The following PTPRD variants were observed in gnomAD, a reference collection of about 807,000 sequenced individuals.
PTPRD encodes the protein receptor-type tyrosine-protein phosphatase delta.
PTPRD carries 34 observed loss-of-function variants against 214.5 expected under a neutral mutation model. The ratio of observed to expected loss-of-function variants is 0.16; its 90% CI spans 0.12 to 0.21. PTPRD has a LOEUF of 0.21. Among genes scored for constraint, PTPRD ranks in the 10% least tolerant of loss-of-function variants. PTPRD has a pLI of 1.00. For synonymous variants in PTPRD, 1,128 were observed against 845.7 expected (o/e 1.33, Z -5.79); for missense variants, 2,545 against 2,398.7 (o/e 1.06, Z -1.27).
intron 12 of PTPRD, among the ~76,000 whole-genome samples, chr9:8,686,649 C>A (rs372162805): frequency 2.6e-5 from 4 of 152,228 alleles, no homozygotes; most frequent in African/African-American, 9.6e-5. Context: ...GGATCGGAAC[C>A]AGAGTTATTT....
At chr9:9,143,190 A>C (rs1422259919) in intron 10 of PTPRD, among the ~76,000 whole-genome samples, 2 of 152,162 alleles carry the variant, frequency 1.3e-5, no homozygotes, top group Non-Finnish European at 2.9e-5. Context: ...CATCTCTGAG[A>C]CCCTGACAGA....
chr9:9,834,964 G>C (rs1159750055), intron 5 of PTPRD, among the ~76,000 whole-genome samples: 2 of 151,700 alleles, frequency 1.3e-5, no homozygotes, highest in African/African-American at 4.8e-5. Flanking sequence ...CCAGATAAGA[G>C]CAGATTCACT....
chr9:9,285,785 G>T (rs1329287227), intron 9 of PTPRD, among the ~76,000 whole-genome samples: 2 of 151,682 alleles, frequency 1.3e-5, no homozygotes, highest in Admixed American at 6.6e-5. Context: ...CTTCATCTTA[G>T]TAAATGAGAT....
chr9:9,238,562 T>C (rs2099968507), intron 9 of PTPRD, among the ~76,000 whole-genome samples: 1 of 152,044 alleles, frequency 6.6e-6, no homozygotes, highest in African/African-American at 2.4e-5. Flanking sequence ...AGAGTCAAAG[T>C]CTTGACTGGA....
chr9:9,656,492 G>C (rs548056124), intron 7 of PTPRD, among the ~76,000 whole-genome samples: 1 of 152,208 alleles, frequency 6.6e-6, no homozygotes, highest in East Asian at 1.9e-4. Context: ...ATCACTAAGA[G>C]AAAGAAGCTG....
intron 37 of PTPRD, among the ~76,000 whole-genome samples, chr9:8,379,256 G>T (rs114694620): frequency 0.025 from 3,803 of 152,104 alleles, 165 homozygotes; most frequent in African/African-American, 0.086. Context: ...GCACACACAT[G>T]GCCTCAGCAG....
chr9:10,578,724 T>A (rs1179776177), intron 2 of PTPRD, among the ~76,000 whole-genome samples: 1 of 152,156 alleles, frequency 6.6e-6, no homozygotes, highest in Non-Finnish European at 1.5e-5. Flanking sequence ...TATTAGTTTT[T>A]TTTGAATAAT....
At chr9:10,468,722 C>A (rs1016393016) in intron 2 of PTPRD, among the ~76,000 whole-genome samples, 1 of 152,038 alleles carries the variant, frequency 6.6e-6, no homozygotes, top group African/African-American at 2.4e-5. Flanking sequence ...GAGAGGATGT[C>A]TTTCCTCTCA....
intron 9 of PTPRD, among the ~76,000 whole-genome samples, chr9:9,235,991 C>T (rs1045995122): frequency 2.8e-4 from 42 of 152,060 alleles, no homozygotes; most frequent in African/African-American, 3.6e-4. Flanking sequence ...TGGCCAGGTG[C>T]GGTGTCTCAT....
chr9:8,673,062 T>C (rs563567456), intron 12 of PTPRD, among the ~76,000 whole-genome samples: 2 of 152,218 alleles, frequency 1.3e-5, no homozygotes, highest in South Asian at 4.1e-4. Flanking sequence ...AACACTTGAT[T>C]TTTTTTCTAC....
At chr9:10,481,069 G>T (rs553815008) in intron 2 of PTPRD, among the ~76,000 whole-genome samples, 6 of 151,102 alleles carry the variant, frequency 4.0e-5, no homozygotes, top group Non-Finnish European at 8.8e-5. Flanking sequence ...GTTTGTTATA[G>T]ATGATCATTA....
At chr9:8,646,495 A>G (rs2096694418) in intron 12 of PTPRD, among the ~76,000 whole-genome samples, 1 of 152,130 alleles carries the variant, frequency 6.6e-6, no homozygotes, top group Non-Finnish European at 1.5e-5. Context: ...GGAGAACCTA[A>G]AATTCTCTCA....
chr9:9,879,707 C>G (rs1169178296), intron 5 of PTPRD, among the ~76,000 whole-genome samples: 3 of 152,064 alleles, frequency 2.0e-5, no homozygotes, highest in Non-Finnish European at 4.4e-5. Flanking sequence ...GCCTCAAGAT[C>G]AAGAGGTGAG....
chr9:8,374,114 CTGTGTGTGTGTGTGTGTGTG>C (rs6150905), intron 39 of PTPRD, among the ~76,000 whole-genome samples: 1 of 142,800 alleles, frequency 7.0e-6, no homozygotes, highest in Non-Finnish European at 1.6e-5. Flanking sequence ...ACACACGTGT[CTGTGTGTGTGTGTGTGTGTG>C]TGTGTGTGTG....
chr9:8,972,590 T>C (rs887066486), intron 11 of PTPRD, among the ~76,000 whole-genome samples: 2 of 151,922 alleles, frequency 1.3e-5, no homozygotes, highest in African/African-American at 2.4e-5. Flanking sequence ...TGAATATTTA[T>C]TGAGGACTGT....
chr9:9,602,523 G>C (rs1360002752), intron 7 of PTPRD, among the ~76,000 whole-genome samples: 1 of 152,058 alleles, frequency 6.6e-6, no homozygotes, highest in Non-Finnish European at 1.5e-5. Context: ...AAGAATAAGA[G>C]TAATTCCTGT....
intron 14 of PTPRD, among the ~76,000 whole-genome samples, chr9:8,562,007 T>G (rs1363973045): frequency 6.6e-6 from 1 of 152,190 alleles, no homozygotes; most frequent in African/African-American, 2.4e-5. Flanking sequence ...GACCTACCAT[T>G]TAACCACAAA....
chr9:9,493,787 CAAAAAAA>C (rs750252052), intron 8 of PTPRD, among the ~76,000 whole-genome samples: 5 of 54,466 alleles, frequency 9.2e-5, no homozygotes, highest in Non-Finnish European at 1.9e-4. Flanking sequence ...GACTCCGTCT[CAAAAAAA>C]AAAAAAAAAA....
intron 3 of PTPRD, among the ~76,000 whole-genome samples, chr9:10,100,014 A>G (rs1014882629): frequency 6.6e-6 from 1 of 151,662 alleles, no homozygotes; most frequent in Non-Finnish European, 1.5e-5. Flanking sequence ...CCTTCTCCCA[A>G]ATGTATATGT....
Sources: gnomAD v4.1 joint callset for allele counts (sites outside exome capture counted in the v4.1 genomes callset) on GRCh38, gnomAD v4.1.1 for gene constraint, MANE v1.5 for transcripts, NCBI Gene and HGNC (gene_info 2026-07-23, HGNC 2026-07-21) for gene names.